DGKI: variants seen among roughly 807,000 people sequenced by gnomAD.
DGKI encodes DAG kinase iota.
A neutral mutation model predicts 147.5 loss-of-function variants in DGKI; 55 were observed. The ratio of observed to expected loss-of-function variants is 0.37; its 90% confidence interval spans 0.30 to 0.47. The LOEUF (loss-of-function observed/expected upper bound fraction) is 0.47. DGKI is among the 20% of genes least tolerant of loss of function. The probability of loss-of-function intolerance (pLI) is 1.00; values close to 1 mark genes in which losing one functional copy is unlikely to be tolerated. For missense variants in DGKI, 1,007 were observed against 1,323.8 expected (o/e 0.76, Z 3.71); for synonymous variants, 469 against 477.1 (o/e 0.98, Z 0.22).
chr7:137,522,868 A>C (rs1162142879), intron 20 of DGKI, among the ~76,000 whole-genome samples: 1 of 152,142 alleles, frequency 6.6e-6, no homozygotes, highest in Non-Finnish European at 1.5e-5. Flanking sequence ...CTTGTCTTTC[A>C]ATACGACCTT....
intron 10 of DGKI, among the ~76,000 whole-genome samples, chr7:137,604,939 G>A (rs1480221624): frequency 6.6e-6 from 1 of 152,172 alleles, no homozygotes; most frequent in Non-Finnish European, 1.5e-5. Context: ...GTACTCGAAA[G>A]TTTCCACACA....
chr7:137,496,812 G>A (rs1053187146), intron 21 of DGKI, among the ~76,000 whole-genome samples: 1 of 152,060 alleles, frequency 6.6e-6, no homozygotes, highest in African/African-American at 2.4e-5. Flanking sequence ...ATGGATTAAA[G>A]ACTTAAATGT....
intron 21 of DGKI, among the ~76,000 whole-genome samples, chr7:137,517,467 G>A (rs1356662628): frequency 6.6e-6 from 1 of 152,018 alleles, no homozygotes; most frequent in Non-Finnish European, 1.5e-5. Context: ...TTACAGATCA[G>A]AAGAGACTAG....
chr7:137,812,482 G>T (rs6966928), intron 1 of DGKI, among the ~76,000 whole-genome samples: 1 of 152,078 alleles, frequency 6.6e-6, no homozygotes, highest in African/African-American at 2.4e-5. Context: ...AGGACAGTAA[G>T]GTGCCAAGGC....
chr7:137,707,038 A>C (rs930991224), intron 1 of DGKI, among the ~76,000 whole-genome samples: 2 of 152,186 alleles, frequency 1.3e-5, no homozygotes, highest in Non-Finnish European at 2.9e-5. Context: ...GACATGTTAA[A>C]TCTATCCTTC....
In DGKI at chr7:137,390,167, ACTTTTG is replaced by A. The variant is rs1217248101; in HGVS notation, c.*1047_*1052del. On this transcript the variant is annotated 3_prime_UTR_variant, in exon 33 of 33. Transcript: ENST00000614521. ...GTGACATATGTTGACATATGTTGCT[ACTTTTG>A]CTTTTGCTGTTTTTTTTTTCCAAGT... is the stretch of plus-strand genomic sequence containing the variant. The A allele has an allele frequency of 1.3e-4, 19 of 151,838 alleles. No homozygotes were observed. The highest frequency in any genetic ancestry group is 4.2e-4 in the South Asian group (2 of 4,810). The allele number at this position is 151,838 out of a possible 1,614,324, so 9.4% of individuals were successfully genotyped here.
intron 23 of DGKI, among the ~76,000 whole-genome samples, chr7:137,474,440 G>A (rs1425294570): frequency 4.6e-5 from 7 of 152,090 alleles, no homozygotes; most frequent in South Asian, 2.1e-4. Flanking sequence ...ATCCAGGTAC[G>A]AAGCATAAAT....
At chr7:137,507,585 T>A (rs181398804) in intron 21 of DGKI, among the ~76,000 whole-genome samples, 1 of 152,330 alleles carries the variant, frequency 6.6e-6, no homozygotes, top group African/African-American at 2.4e-5. Context: ...ATATTGCATA[T>A]ACAAAGAATT....
chr7:137,691,809 T>TTTTTTTTTGTTTTTTG (rs1823620584), intron 1 of DGKI, among the ~76,000 whole-genome samples: 1 of 141,012 alleles, frequency 7.1e-6, no homozygotes, highest in African/African-American at 2.8e-5. Flanking sequence ...TTTTTTTTTT[T>TTTTTTTTTGTTTTTTG]TTTTTTTTTT....
At chr7:137,656,666 A>C (rs879142206) in intron 3 of DGKI, 126 bp from the exon 4 acceptor site, 1 of 900,500 alleles carries the variant, frequency 1.1e-6, no homozygotes, top group Non-Finnish European at 1.7e-6. Context: ...TATTTCTATT[A>C]CAAAGCAAAT....
intron 1 of DGKI, among the ~76,000 whole-genome samples, chr7:137,785,924 C>G (rs183711411): frequency 6.6e-5 from 10 of 152,250 alleles, no homozygotes; most frequent in African/African-American, 2.2e-4. Flanking sequence ...TCCAGCATCA[C>G]TTTATGATTA....
intron 1 of DGKI, among the ~76,000 whole-genome samples, chr7:137,843,879 T>G (rs1563223864): frequency 6.6e-6 from 1 of 151,940 alleles, no homozygotes; most frequent in Non-Finnish European, 1.5e-5. Flanking sequence ...ATTTTTTGCC[T>G]ACCTGCAAAT....
intron 21 of DGKI, among the ~76,000 whole-genome samples, chr7:137,493,120 G>A (rs933921165): frequency 6.6e-6 from 1 of 152,142 alleles, no homozygotes; most frequent in African/African-American, 2.4e-5. Flanking sequence ...GCCAGCATGA[G>A]CGCAACCTGC....
intron 1 of DGKI, among the ~76,000 whole-genome samples, chr7:137,723,602 C>T (rs1585411663): frequency 6.6e-6 from 1 of 151,302 alleles, no homozygotes; most frequent in Non-Finnish European, 1.5e-5. Context: ...CAAACAAATA[C>T]ACTCTTAGTA....
chr7:137,644,517 A>G (rs565645425), intron 6 of DGKI, among the ~76,000 whole-genome samples: 66 of 152,330 alleles, frequency 4.3e-4, no homozygotes, highest in Non-Finnish European at 8.8e-4. Context: ...CAGGCAGCCA[A>G]TATTTCCTTG....
chr7:137,636,318 A>G (rs553227979), intron 6 of DGKI, among the ~76,000 whole-genome samples: 4 of 152,292 alleles, frequency 2.6e-5, no homozygotes, highest in African/African-American at 9.6e-5. Flanking sequence ...GAGATGATGA[A>G]TATCAGTAGC....
chr7:137,393,561 T>C (rs1366413795), intron 32 of DGKI, among the ~76,000 whole-genome samples: 1 of 152,180 alleles, frequency 6.6e-6, no homozygotes, highest in Non-Finnish European at 1.5e-5. Flanking sequence ...AGGCTAAACA[T>C]CAAAACATCT....
intron 6 of DGKI, among the ~76,000 whole-genome samples, chr7:137,642,436 T>C (rs1821663499): frequency 6.6e-6 from 1 of 152,192 alleles, no homozygotes; most frequent in African/African-American, 2.4e-5. Context: ...GTTCTCCATT[T>C]TTTCTTGTGG....
intron 21 of DGKI, among the ~76,000 whole-genome samples, chr7:137,496,432 T>C (rs1019342802): frequency 6.6e-6 from 1 of 152,024 alleles, no homozygotes; most frequent in Non-Finnish European, 1.5e-5. Context: ...CTACCAATGA[T>C]ATTCTTCACA....
Sources: allele counts gnomAD v4.1 joint callset (sites outside exome capture counted in the v4.1 genomes callset), GRCh38; gene constraint gnomAD v4.1.1; transcripts MANE v1.5; gene names NCBI Gene and HGNC (gene_info 2026-07-23, HGNC 2026-07-21).